RIOK3: variants seen among roughly 807,000 people sequenced by gnomAD.
RIOK3 encodes serine/threonine-protein kinase RIO3.
A neutral mutation model predicts 63.5 loss-of-function variants in RIOK3; 40 were observed. The observed-to-expected ratio is 0.63, with a 90% CI of 0.49 to 0.82. The LOEUF is 0.82. RIOK3 is among the 40% of genes least tolerant of loss of function. RIOK3 has a pLI of 0.00. For synonymous variants in RIOK3, 193 were observed against 205.0 expected, an observed-to-expected ratio of 0.94 and a Z score of 0.50; for missense variants, 557 against 637.0, an observed-to-expected ratio of 0.87 and a Z score of 1.35.
chr18:23,470,454 C>G (rs1386214039), intron 7 of RIOK3, among the ~76,000 whole-genome samples: 2 of 151,750 alleles, frequency 1.3e-5, no homozygotes, highest in East Asian at 3.9e-4. Context: ...TTAAGTCATA[C>G]AGAAAATTAC....
chr18:23,453,373 C>A lies in RIOK3; in HGVS notation c.-67C>A. ...CAGTCGCCCGTGTCCCGCCTGTCTC[C>A]TCGGCGGAGCCTGCTGCCCGTCCTG... On this transcript the variant is annotated 5_prime_UTR_variant, in exon 1 of 13. Coordinates refer to ENST00000339486, the MANE Select transcript of RIOK3 (RefSeq NM_003831.5). 1 of 1,338,978 alleles carries A rather than the reference C, an allele frequency of 7.5e-7. No homozygotes were observed. Among genetic ancestry groups the A allele is most frequent in the Non-Finnish European group, 1.1e-6 (1 of 932,596 alleles). The allele number at this position is 1,338,978 out of a possible 1,614,324, so 82.9% of individuals were successfully genotyped here.
Position 23,453,306 on chromosome 18 carries a change from G to A in RIOK3, c.-134G>A. On this transcript the variant is annotated 5_prime_UTR_variant, in exon 1 of 13. Coordinates refer to ENST00000339486, the MANE Select transcript of RIOK3 (RefSeq NM_003831.5). ...AGATCCAGTTCCGGACGCGGCCGCC[G>A]CCGTCGCCGCCATCTGTCACCTCCA... is the stretch of plus-strand genomic sequence containing the variant. 1 of 741,792 alleles carries A rather than the reference G, an allele frequency of 1.3e-6. No homozygotes were observed. The highest frequency in any genetic ancestry group is 1.5e-5 in the South Asian group (1 of 65,736). 46.0% of individuals were successfully genotyped at this position (741,792 alleles called of 1,614,324 possible).
At position 23,464,572 on chromosome 18, in the gene RIOK3, A is replaced by G. The variant is rs965940445; in HGVS notation, c.487A>G (p.Thr163Ala). ...CTTTATTGGAAAAGGAAAAGATATC[A>G]CCACCAAACATGATGAAGTAGTATG... ...KGFIGKGKDITTKHDEVVCGR... is the reference protein window; with the variant it reads ...KGFIGKGKDIATKHDEVVCGR... Residue 163 changes from threonine to alanine, a missense_variant, in exon 5 of 13, where the codon ACC becomes GCC. This residue lies in a region of RIOK3 where 243 missense variants were observed against 275.4 expected (regional missense o/e 0.88). Transcript: ENST00000339486. 6.2e-7 allele frequency: 1 copy of G among 1,608,500 alleles called. No individual in the cohort carries two copies. The highest frequency in any genetic ancestry group is 1.3e-5 in the African/African-American group (1 of 74,702).
intron 6 of RIOK3, 39 bp downstream of exon 6, chr18:23,466,315 A>C (rs2145681830): frequency 6.9e-7 from 1 of 1,455,982 alleles, no homozygotes; most frequent in East Asian, 2.4e-5. Flanking sequence ...TTTTTACTAG[A>C]AAGATTCATA....
In RIOK3 at chr18:23,476,951, A is replaced by G; in HGVS notation, c.1174-55A>G. The G allele has an allele frequency of 4.8e-6, 7 of 1,462,390 alleles. No individual in the cohort carries two copies. The South Asian group carries it at 5.8e-5, about 12-fold the overall frequency. 90.6% of individuals were successfully genotyped at this position (1,462,390 alleles called of 1,614,324 possible). ...ATAAAAAACTTTCAGGGGTGTCATC[A>G]TCAATAATACCACTTAATTATTCAT... is the stretch of plus-strand genomic sequence containing the variant. On this transcript the variant is annotated intron_variant, in intron 9 of 12. Transcript: ENST00000339486.
Position 23,475,095 on chromosome 18 carries a change from T to G in RIOK3, c.1161T>G (p.Tyr387Ter). 6.2e-7 allele frequency: 1 copy of G among 1,610,224 alleles called. No individual in the cohort carries two copies. Among genetic ancestry groups the G allele is most frequent in the Non-Finnish European group, 8.5e-7 (1 of 1,178,268 alleles). The stretch of plus-strand genomic sequence containing the variant: ...GTGAAGAAATGAAAGAAGCCTACTA[T>G]CAAACTCTTCATGTAAGTTGTGCTT... ...LNSEEMKEAY[Y>*]QTLHLMRQLY... Residue 387 changes from tyrosine to a stop codon, truncating the protein, a stop_gained, in exon 9 of 13, where the codon TAT (tyrosine) becomes TAG (stop). Transcript: ENST00000339486. LOFTEE classifies it high-confidence loss of function.
At position 23,479,250 on chromosome 18, in the gene RIOK3, C is replaced by T; in HGVS notation, c.1345-67C>T. On this transcript the variant is annotated intron_variant, in intron 11 of 12. Transcript: ENST00000339486. ...AAGTCTTTTTATAAATGTGCTGCTC[C>T]CTGTTTTTAGTTTATAAGAGAACAT... is the stretch of plus-strand genomic sequence containing the variant. 7 of 961,928 alleles carry T rather than the reference C, an allele frequency of 7.3e-6. No homozygotes were observed. The South Asian group carries it at 9.2e-5, about 13-fold the overall frequency. 59.6% of individuals were successfully genotyped at this position (961,928 alleles called of 1,614,324 possible). A position where few individuals can be genotyped will look rare whatever the true frequency, so the allele number is the denominator to read the frequency against.
chr18:23,475,614 T>C (rs2057485186), intron 9 of RIOK3, among the ~76,000 whole-genome samples: 1 of 152,024 alleles, frequency 6.6e-6, no homozygotes, highest in Non-Finnish European at 1.5e-5. Flanking sequence ...GGGCAAGAAA[T>C]AGAGCAAGAC....
chr18:23,455,138 C>T (rs2057330422), intron 1 of RIOK3, among the ~76,000 whole-genome samples: 1 of 152,042 alleles, frequency 6.6e-6, no homozygotes, highest in Non-Finnish European at 1.5e-5. Context: ...GTGGTTTGCT[C>T]CCAGCTCACT....
chr18:23,463,843 G>A, intron 2 of RIOK3, 124 bp from the exon 3 acceptor site: 5 of 796,506 alleles, frequency 6.3e-6, no homozygotes, highest in Middle Eastern at 3.9e-4. Flanking sequence ...AAGGTAAATG[G>A]TTTGATAGAG....
chr18:23,477,328 TCA>T, intron 11 of RIOK3, 60 bp downstream of exon 11: 2 of 1,292,940 alleles, frequency 1.5e-6, no homozygotes, highest in Non-Finnish European at 2.3e-6. Flanking sequence ...GGTATTTTTC[TCA>T]CTCCTAAGAT....
chr18:23,464,336 G>C (rs746225143), intron 4 of RIOK3, 23 bp downstream of exon 4: 4 of 1,532,292 alleles, frequency 2.6e-6, no homozygotes, highest in South Asian at 1.1e-5. Context: ...TTACTTTCTG[G>C]GGGCAGCAGA....
At chr18:23,474,795 C>T (rs756618404) in intron 8 of RIOK3, among the ~76,000 whole-genome samples, 153 bp from the exon 9 acceptor site, 1 of 152,212 alleles carries the variant, frequency 6.6e-6, no homozygotes, top group African/African-American at 2.4e-5. Flanking sequence ...TCTCTATGGG[C>T]AGAGGCTGTG....
At chr18:23,477,150 A>G (rs1404867368) in intron 10 of RIOK3, 29 bp from the exon 11 acceptor site, 1 of 1,611,766 alleles carries the variant, frequency 6.2e-7, no homozygotes, top group East Asian at 2.2e-5. Flanking sequence ...AAATGTAAAT[A>G]CATCAGTTCA....
intron 9 of RIOK3, among the ~76,000 whole-genome samples, chr18:23,475,478 A>AAG (rs2057484114): frequency 6.6e-6 from 1 of 150,950 alleles, no homozygotes; most frequent in Non-Finnish European, 1.5e-5. Context: ...AAAAAAAAAA[A>AAG]AATTAAAAAT....
chr18:23,478,487 G>A (rs950989340), intron 11 of RIOK3, among the ~76,000 whole-genome samples: 49 of 151,984 alleles, frequency 3.2e-4, no homozygotes, highest in Middle Eastern at 6.8e-3. Flanking sequence ...TTTTACTAGG[G>A]AGGCTGAGGC....
Position 23,453,464 on chromosome 18 carries a change from C to T in RIOK3, c.25C>T (p.Pro9Ser), listed in dbSNP as rs1193191789. ...AATGGATCTGGTAGGAGTGGCATCG[C>T]CTGAGCCCGGGACGGCAGCGGCCTG... MDLVGVASPEPGTAAAWGP... is the reference protein window; with the variant it reads MDLVGVASSEPGTAAAWGP... The change falls in exon 1 of 13, where the codon CCT (proline) becomes TCT (serine). Residue 9 changes from proline (P) to serine (S), a missense_variant. Coordinates refer to ENST00000339486, the MANE Select transcript of RIOK3 (RefSeq NM_003831.5). The T allele has an allele frequency of 1.9e-6, 3 of 1,613,924 alleles. No individual in the cohort carries two copies. The highest frequency in any genetic ancestry group is 2.5e-6 in the Non-Finnish European group (3 of 1,179,908).
chr18:23,481,176 A>C lies in RIOK3; in HGVS notation c.1457A>C (p.Glu486Ala), dbSNP rs777980760. ...TTCAATGTATTATTTTTGTAGATAG[A>C]AGCTTTGGAGAAAATGAATGAAGAT... ...DNEADFLAEI[E>A]ALEKMNEDHV... Residue 486 changes from glutamate to alanine, a missense_variant, in exon 13 of 13, where the codon GAA becomes GCA. Coordinates refer to ENST00000339486, the MANE Select transcript of RIOK3 (RefSeq NM_003831.5). The C allele has an allele frequency of 6.2e-7, 1 of 1,601,162 alleles. No individual in the cohort carries two copies. The highest frequency in any genetic ancestry group is 8.6e-7 in the Non-Finnish European group (1 of 1,168,898).
chr18:23,472,678 A>G (rs2057463757), intron 7 of RIOK3, among the ~76,000 whole-genome samples: 1 of 152,128 alleles, frequency 6.6e-6, no homozygotes, highest in Admixed American at 6.5e-5. Context: ...AGTGCCATAC[A>G]CAGAAACCCT....
Sources: gnomAD v4.1 joint callset for allele counts (sites outside exome capture counted in the v4.1 genomes callset) on GRCh38, gnomAD v4.1.1 for gene constraint, gnomAD v4.1.1 regional missense constraint, MANE v1.5 for transcripts, NCBI Gene and HGNC (gene_info 2026-07-23, HGNC 2026-07-21) for gene names.